The following GRIK1 variants were observed in gnomAD, a reference collection of about 807,000 sequenced individuals.
GRIK1 encodes glutamate receptor ionotropic, kainate 1.
In GRIK1, 69 loss-of-function variants were observed where a neutral mutation model predicts 105.7. That is an observed-to-expected ratio of 0.65 (90% confidence interval 0.54 to 0.80). The LOEUF (loss-of-function observed/expected upper bound fraction) is 0.80. Ranked by LOEUF, GRIK1 falls within the 30% of genes least tolerant of loss-of-function variation. GRIK1 has a pLI of 0.00. For missense variants in GRIK1, 1,109 were observed against 1,167.3 expected, an observed-to-expected ratio of 0.95 and a Z score of 0.73; for synonymous variants, 438 against 431.3, an observed-to-expected ratio of 1.02 and a Z score of -0.19.
intron 7 of GRIK1, among the ~76,000 whole-genome samples, chr21:29,635,645 G>A (rs1406262783): frequency 6.6e-6 from 1 of 152,228 alleles, no homozygotes; most frequent in Non-Finnish European, 1.5e-5. Context: ...TTTTTTGGCT[G>A]ACAGGGAGAA....
intron 8 of GRIK1, among the ~76,000 whole-genome samples, chr21:29,597,952 G>A (rs1003490073): frequency 1.3e-5 from 2 of 152,022 alleles, no homozygotes; most frequent in African/African-American, 4.8e-5. Flanking sequence ...TCAAGCAATC[G>A]ATTGTTCCCA....
At position 29,623,448 on chromosome 21, in the gene GRIK1, T is replaced by TAA. The variant is rs543992550; in HGVS notation, c.1098+19376_1098+19377dup. Among the ~76,000 whole-genome samples, 16 of 147,252 alleles carry TAA rather than the reference T, an allele frequency of 1.1e-4. No individual in the cohort carries two copies. The East Asian group carries it at 1.2e-3, about 11-fold the overall frequency. On this transcript the variant is annotated intron_variant, in intron 7 of 17. Transcript: ENST00000327783. ...AAGACAGGCTTTTGAAAAATCTCCT[T>TAA]AAAAAAAAAAATCAATAGGAAGCTG...
chr21:29,793,101 A>T lies in GRIK1; in HGVS notation c.119-99038T>A, dbSNP rs117842996. ...GAAAGCTGGTTCATGTAAATGGCCC[A>T]GAAAAAAACATATTCAGGAGGAGGA... On this transcript the variant is annotated intron_variant, in intron 1 of 17. Coordinates refer to ENST00000327783, the MANE Select transcript of GRIK1 (RefSeq NM_001330994.2). Among the ~76,000 whole-genome samples, 287 of 152,314 alleles carry T rather than the reference A, an allele frequency of 1.9e-3. 6 individuals carry two copies. In the East Asian group the frequency reaches 0.049, roughly 26 times the overall value.
At chr21:29,601,242 C>G (rs1424875876) in intron 7 of GRIK1, 5 of 510,212 alleles carry the variant, frequency 9.8e-6, no homozygotes, top group Admixed American at 9.7e-5. Flanking sequence ...GAAACAGCGG[C>G]CTTCACCTGT....
In GRIK1 at chr21:29,718,672, G is replaced by A. The variant is rs200924564; in HGVS notation, c.119-24609C>T. 8.5e-5 allele frequency among the ~76,000 whole-genome samples: 13 copies of A among 152,166 alleles called. No individual in the cohort carries two copies. The East Asian group carries it at 1.7e-3, about 20-fold the overall frequency. Reference sequence around the variant, plus strand: ...ATTCATAGGTCAGAGCTTGGAAAGCGGCAGGTGCACAGGAGCCCTTGACAA... The same window carrying A: ...ATTCATAGGTCAGAGCTTGGAAAGCAGCAGGTGCACAGGAGCCCTTGACAA... On this transcript the variant is annotated intron_variant, in intron 1 of 17. Coordinates refer to ENST00000327783, the MANE Select transcript of GRIK1 (RefSeq NM_001330994.2).
chr21:29,544,776 G>T (rs966698564), intron 16 of GRIK1, among the ~76,000 whole-genome samples: 5 of 152,336 alleles, frequency 3.3e-5, no homozygotes, highest in Middle Eastern at 3.4e-3. Flanking sequence ...CAGCCTATAG[G>T]ACTGAGGATG....
intron 1 of GRIK1, among the ~76,000 whole-genome samples, chr21:29,878,599 T>C (rs1399497704): frequency 1.3e-5 from 2 of 152,126 alleles, no homozygotes; most frequent in South Asian, 2.1e-4. Context: ...TCTTAATCAC[T>C]AATGTAATAT....
At chr21:29,555,376 T>A in intron 15 of GRIK1, 74 bp from the exon 16 acceptor site, 1 of 1,369,738 alleles carries the variant, frequency 7.3e-7, no homozygotes, top group Non-Finnish European at 1.0e-6. Context: ...TTAATTATCA[T>A]CTTTGTCATA....
intron 14 of GRIK1, among the ~76,000 whole-genome samples, chr21:29,570,240 C>T (rs1313236583): frequency 2.0e-5 from 3 of 152,116 alleles, no homozygotes; most frequent in East Asian, 1.9e-4. Flanking sequence ...TGGTGGCTCA[C>T]GCCTGTAATC....
At chr21:29,631,428 T>C (rs912549408) in intron 7 of GRIK1, among the ~76,000 whole-genome samples, 1 of 152,192 alleles carries the variant, frequency 6.6e-6, no homozygotes, top group South Asian at 2.1e-4. Context: ...AATGGAAAGA[T>C]AACCATCTAC....
At chr21:29,907,993 A>G (rs1032549465) in intron 1 of GRIK1, among the ~76,000 whole-genome samples, 30 of 152,172 alleles carry the variant, frequency 2.0e-4, no homozygotes, top group Non-Finnish European at 4.4e-5. Flanking sequence ...GGGATGTAGA[A>G]TCTTCATCTA....
chr21:29,688,994 G>C (rs1172827588), intron 3 of GRIK1, among the ~76,000 whole-genome samples: 1 of 152,178 alleles, frequency 6.6e-6, no homozygotes, highest in Non-Finnish European at 1.5e-5. Flanking sequence ...GAAGAGTTTT[G>C]AATTAGAAGA....
chr21:29,881,683 T>C (rs2069412919), intron 1 of GRIK1, among the ~76,000 whole-genome samples: 1 of 152,136 alleles, frequency 6.6e-6, no homozygotes, highest in Non-Finnish European at 1.5e-5. Context: ...AACAAGATTC[T>C]TCAATTCCCT....
intron 1 of GRIK1, among the ~76,000 whole-genome samples, chr21:29,872,916 C>T (rs1364222791): frequency 1.3e-5 from 2 of 151,982 alleles, no homozygotes; most frequent in Non-Finnish European, 2.9e-5. Flanking sequence ...CATATCAAAC[C>T]CAATATATTT....
intron 1 of GRIK1, among the ~76,000 whole-genome samples, chr21:29,883,816 C>A (rs2069512258): frequency 6.6e-6 from 1 of 151,990 alleles, no homozygotes; most frequent in Non-Finnish European, 1.5e-5. Context: ...ATTTCAAAAT[C>A]TCCCAGCACA....
At chr21:29,579,889 CA>C (rs2090976381) in intron 13 of GRIK1, among the ~76,000 whole-genome samples, 1 of 151,244 alleles carries the variant, frequency 6.6e-6, no homozygotes, top group South Asian at 2.1e-4. Flanking sequence ...TGACAGAAGG[CA>C]GTCACAGTCA....
intron 16 of GRIK1, among the ~76,000 whole-genome samples, chr21:29,542,686 A>G (rs738772): frequency 0.78 from 118,404 of 152,184 alleles, 46,158 homozygotes; most frequent in Admixed American, 0.84. Context: ...ATACATTCAC[A>G]TCTTTCATTC....
At chr21:29,916,738 A>G (rs190062325) in intron 1 of GRIK1, among the ~76,000 whole-genome samples, 1 of 152,134 alleles carries the variant, frequency 6.6e-6, no homozygotes, top group East Asian at 1.9e-4. Flanking sequence ...AAAGTGGATT[A>G]TGATTTCAAG....
At chr21:29,751,380 G>A (rs1008150865) in intron 1 of GRIK1, among the ~76,000 whole-genome samples, 6 of 152,158 alleles carry the variant, frequency 3.9e-5, no homozygotes, top group Admixed American at 3.9e-4. Flanking sequence ...TCTGTCCTTA[G>A]CTTACCTCCC....
Sources: gnomAD v4.1 joint callset for allele counts (sites outside exome capture counted in the v4.1 genomes callset) on GRCh38, gnomAD v4.1.1 for gene constraint, MANE v1.5 for transcripts, NCBI Gene and HGNC (gene_info 2026-07-23, HGNC 2026-07-21) for gene names.